PDE8B: variants seen among roughly 807,000 people sequenced by gnomAD.
PDE8B encodes high affinity cAMP-specific and IBMX-insensitive 3',5'-cyclic phosphodiesterase 8B.
PDE8B carries 26 observed loss-of-function variants against 101.3 expected under a neutral mutation model. The ratio of observed to expected loss-of-function variants is 0.26; its 90% CI spans 0.19 to 0.36. The LOEUF is 0.36. Among genes scored for constraint, PDE8B ranks in the 10% least tolerant of loss-of-function variants. The pLI is 1.00. For synonymous variants in PDE8B, 424 were observed against 429.3 expected, an observed-to-expected ratio of 0.99 and a Z score of 0.15; for missense variants, 810 against 1,163.1, an observed-to-expected ratio of 0.70 and a Z score of 4.42.
the PDE8B span, among the ~76,000 whole-genome samples, chr5:77,159,132 C>T: frequency 3.3e-5 from 5 of 152,152 alleles, no homozygotes; most frequent in Admixed American, 2.0e-4. Flanking sequence ...GGATATATAA[C>T]CCAGCTGGCC....
intron 17 of PDE8B, among the ~76,000 whole-genome samples, chr5:77,415,516 C>T (rs1465978873): frequency 6.6e-6 from 1 of 151,980 alleles, no homozygotes; most frequent in African/African-American, 2.4e-5. Flanking sequence ...TGCCACCAAG[C>T]CCAGGCTAAT....
intron 17 of PDE8B, 132 bp from the exon 18 acceptor site, chr5:77,418,097 C>G (rs1795941106): frequency 2.8e-6 from 2 of 712,734 alleles, no homozygotes; most frequent in South Asian, 3.0e-5. Context: ...ACATCTAGGT[C>G]AGAAGGCTCA....
chr5:77,255,674 A>G (rs1469320387), intron 1 of PDE8B, among the ~76,000 whole-genome samples: 1 of 152,216 alleles, frequency 6.6e-6, no homozygotes, highest in Non-Finnish European at 1.5e-5. Context: ...ACCTGGCTGC[A>G]TTGCAGGCGG....
intron 1 of PDE8B, among the ~76,000 whole-genome samples, chr5:77,225,666 A>G (rs1752181473): frequency 6.6e-6 from 1 of 152,150 alleles, no homozygotes; most frequent in South Asian, 2.1e-4. Context: ...GGAAATAGAT[A>G]CTTTTGAAAG....
chr5:77,386,373 G>A (rs1788623631), intron 10 of PDE8B, among the ~76,000 whole-genome samples: 1 of 152,116 alleles, frequency 6.6e-6, no homozygotes, highest in African/African-American at 2.4e-5. Context: ...TATTGACAGT[G>A]GGGCGTTAAA....
intron 4 of PDE8B, among the ~76,000 whole-genome samples, chr5:77,331,135 A>C (rs999681066): frequency 6.6e-6 from 1 of 152,184 alleles, no homozygotes; most frequent in Non-Finnish European, 1.5e-5. Context: ...AGGGCAGCTG[A>C]GTTGGAAAGG....
the PDE8B span, chr5:77,141,187 A>G: frequency 6.6e-6 from 1 of 152,236 alleles, no homozygotes; most frequent in East Asian, 1.9e-4. Flanking sequence ...TGTTAGAAAC[A>G]TAATAGCAAT....
chr5:77,369,473 G>T (rs890760938), intron 10 of PDE8B, among the ~76,000 whole-genome samples: 4 of 152,116 alleles, frequency 2.6e-5, no homozygotes, highest in African/African-American at 4.8e-5. Context: ...CCAACGTCTG[G>T]CTAGATATGC....
chr5:77,166,201 CTTCATGAGA>C, the PDE8B span, among the ~76,000 whole-genome samples: 1 of 128,728 alleles, frequency 7.8e-6, no homozygotes, highest in African/African-American at 3.0e-5. Flanking sequence ...AACAACATTT[CTTCATGAGA>C]TTCTTTCGGT....
chr5:77,319,068 T>C (rs1774444607), intron 2 of PDE8B, among the ~76,000 whole-genome samples: 1 of 152,250 alleles, frequency 6.6e-6, no homozygotes, highest in Non-Finnish European at 1.5e-5. Context: ...CTCAAAAAGA[T>C]ATGTTTCAGC....
At position 77,211,035 on chromosome 5, in the gene PDE8B, C is replaced by T; in HGVS notation, c.110C>T (p.Ala37Val). The change falls in exon 1 of 22, where the codon GCG (alanine) becomes GTG (valine). Residue 37 changes from alanine to valine, a missense_variant. By Grantham distance (64) the Ala-to-Val change is moderately conservative (BLOSUM62 0). This residue lies in a region of PDE8B where 159 missense variants were observed against 146.6 expected (regional missense o/e 1.08). Transcript: ENST00000264917. This position sits in a 1 kb window ranked among gnomAD's most constrained non-coding sequence, Gnocchi z 4.1. ...RQTTSVSQGP[A>V]APLPGLFVQT... is the part of the protein sequence containing the mutation. The stretch of plus-strand genomic sequence containing the variant: ...ACCACCAGCGTGTCGCAGGGCCCGG[C>T]GGCACCCCTGCCCGGCCTCTTCGTC... 2 of 1,540,490 alleles carry T rather than the reference C, an allele frequency of 1.3e-6. No individual in the cohort carries two copies. The highest frequency in any genetic ancestry group is 1.9e-5 in the Admixed American group (1 of 53,098).
In PDE8B at chr5:77,348,990, A is replaced by C. The variant is rs145706087; in HGVS notation, c.877-429A>C. On this transcript the variant is annotated intron_variant, in intron 7 of 21. Coordinates refer to ENST00000264917, the MANE Select transcript of PDE8B (RefSeq NM_003719.5). ...GCATGAGCCACTGTGCCCAGCCTGAAACTTTCTTTTTTTAACTACAAACAT... is the reference window on the plus strand; with the variant it reads ...GCATGAGCCACTGTGCCCAGCCTGACACTTTCTTTTTTTAACTACAAACAT... Among the ~76,000 whole-genome samples the C allele has an allele frequency of 7.4e-4, 112 of 152,276 alleles. 4 individuals carry two copies. In the East Asian group the frequency reaches 0.02, roughly 27 times the overall value.
At chr5:77,336,668 A>G (rs1778259187) in intron 5 of PDE8B, among the ~76,000 whole-genome samples, 1 of 152,232 alleles carries the variant, frequency 6.6e-6, no homozygotes, top group African/African-American at 2.4e-5. Context: ...GCTATGGTGA[A>G]TGATGCTGCT....
At chr5:77,191,358 T>TC in the PDE8B span, among the ~76,000 whole-genome samples, 1 of 139,358 alleles carries the variant, frequency 7.2e-6, no homozygotes, top group African/African-American at 2.9e-5. Flanking sequence ...AAAACATATC[T>TC]TTTTTTTTTT....
At chr5:77,335,934 C>T (rs1778107149) in intron 5 of PDE8B, among the ~76,000 whole-genome samples, 1 of 151,772 alleles carries the variant, frequency 6.6e-6, no homozygotes, top group South Asian at 2.1e-4. Flanking sequence ...GTGATCATGT[C>T]AGAGAAGTGC....
the PDE8B span, among the ~76,000 whole-genome samples, chr5:77,124,635 A>C: frequency 6.6e-6 from 1 of 152,092 alleles, no homozygotes; most frequent in Non-Finnish European, 1.5e-5. Context: ...ATATAAAGAG[A>C]TGAAAGGACG....
At chr5:77,173,369 A>G in the PDE8B span, among the ~76,000 whole-genome samples, 3 of 152,216 alleles carry the variant, frequency 2.0e-5, no homozygotes, top group Non-Finnish European at 4.4e-5. Flanking sequence ...ACTGATCTGC[A>G]TGGTCTATAT....
the PDE8B span, among the ~76,000 whole-genome samples, chr5:77,158,094 G>T: frequency 1.8e-4 from 28 of 152,316 alleles, 1 homozygote; most frequent in Admixed American, 1.6e-3. Context: ...CTTGTCCTGG[G>T]TCATGCAGCT....
At chr5:77,111,471 G>T in the PDE8B span, among the ~76,000 whole-genome samples, 1 of 152,282 alleles carries the variant, frequency 6.6e-6, no homozygotes, top group Non-Finnish European at 1.5e-5. Context: ...ACATGAAATT[G>T]TGTTTACATA....
Sources: allele counts gnomAD v4.1 joint callset (sites outside exome capture counted in the v4.1 genomes callset), GRCh38; gene constraint gnomAD v4.1.1; regional missense constraint gnomAD v4.1.1; non-coding constraint Gnocchi (gnomAD v3.1); transcripts MANE v1.5; gene names NCBI Gene and HGNC (gene_info 2026-07-23, HGNC 2026-07-21).